SCN7A: variants seen among roughly 807,000 people sequenced by gnomAD.
The protein encoded by SCN7A is sodium voltage-gated channel alpha subunit 7, also known as sodium channel protein type 7 subunit alpha.
Under a neutral mutation model 155.2 loss-of-function variants are expected in SCN7A, and 138 were observed. That is an observed-to-expected ratio of 0.89 (90% CI 0.77 to 1.02). The LOEUF (loss-of-function observed/expected upper bound fraction) is 1.02. SCN7A is among the 50% of genes least tolerant of loss of function. The probability of loss-of-function intolerance (pLI) is 0.00; values close to 1 mark genes in which losing one functional copy is unlikely to be tolerated. For missense variants in SCN7A, 2,058 were observed against 1,986.6 expected (o/e 1.04, Z -0.68); for synonymous variants, 693 against 649.0 (o/e 1.07, Z -1.03).
intron 18 of SCN7A, among the ~76,000 whole-genome samples, chr2:166,424,080 AAAGC>A (rs1701569434): frequency 6.6e-6 from 1 of 152,114 alleles, no homozygotes; most frequent in African/African-American, 2.4e-5. Flanking sequence ...AAGAGGACAA[AAAGC>A]AAGCAAGGAT....
At chr2:166,461,052 T>C (rs894814165) in intron 10 of SCN7A, among the ~76,000 whole-genome samples, 6 of 66,346 alleles carry the variant, frequency 9.0e-5, no homozygotes, top group African/African-American at 1.5e-4. Flanking sequence ...TATTTTCTTT[T>C]TTTTTTTTTT....
chr2:166,476,709 C>A lies in SCN7A; in HGVS notation c.234+754G>T, dbSNP rs149021306. ...CCATGTTGATATCTCCATTATCTCA[C>A]CTCATATCTCGTAACTTGCAACAGC... On this transcript the variant is annotated intron_variant, in intron 3 of 25. Coordinates refer to ENST00000643258, the MANE Select transcript of SCN7A (RefSeq NM_002976.4). 2.2e-4 allele frequency among the ~76,000 whole-genome samples: 33 copies of A among 152,098 alleles called. No individual in the cohort carries two copies. The East Asian group carries it at 4.6e-3, about 21-fold the overall frequency.
intron 2 of SCN7A, among the ~76,000 whole-genome samples, chr2:166,480,440 A>T (rs1028245968): frequency 6.6e-6 from 1 of 150,602 alleles, no homozygotes; most frequent in African/African-American, 2.4e-5. Context: ...CCTGGGTGAA[A>T]GAGCGAGACT....
At chr2:166,413,830 C>G (rs554667424) in intron 21 of SCN7A, among the ~76,000 whole-genome samples, 1 of 149,928 alleles carries the variant, frequency 6.7e-6, no homozygotes, top group East Asian at 2.0e-4. Context: ...TTCCTGCCCT[C>G]AAACATTGGA....
chr2:166,462,876 C>A (rs1702446015), intron 9 of SCN7A, among the ~76,000 whole-genome samples: 1 of 151,992 alleles, frequency 6.6e-6, no homozygotes, highest in Non-Finnish European at 1.5e-5. Flanking sequence ...TGTGGAATGG[C>A]CAAATGGAGC....
intron 9 of SCN7A, among the ~76,000 whole-genome samples, chr2:166,464,217 T>TA (rs745556847): frequency 6.6e-5 from 10 of 151,618 alleles, no homozygotes; most frequent in Non-Finnish European, 1.3e-4. Context: ...TATACACACA[T>TA]ACATACATAT....
intron 2 of SCN7A, among the ~76,000 whole-genome samples, chr2:166,479,212 C>CTGTTGTGCATAAGTGAGTTGTTATGCACA (rs1702867054): frequency 6.6e-6 from 1 of 152,052 alleles, no homozygotes; most frequent in Admixed American, 6.6e-5. Context: ...CAGAATTTTT[C>CTGTTGTGCATAAGTGAGTTGTTATGCACA]ACTGTTGTGC....
rs1701004040 is a variant in SCN7A, at chr2:166,403,580, T to TA, written c.*1999dup. 1 of 152,012 alleles carries TA rather than the reference T, an allele frequency of 6.6e-6. No individual in the cohort carries two copies. Among genetic ancestry groups the TA allele is most frequent in the African/African-American group, 2.4e-5 (1 of 41,432 alleles). The allele number at this position is 152,012 out of a possible 1,614,324, so 9.4% of individuals were successfully genotyped here. A position where few individuals can be genotyped will look rare whatever the true frequency, so the allele number is the denominator to read the frequency against. On this transcript the variant is annotated 3_prime_UTR_variant, in exon 26 of 26. Transcript: ENST00000643258. ...AAAACAAACATAGCTTAATGTGGTTTACAGGTTATATTTATTATTTTCTAT... is the reference window on the plus strand; with the variant it reads ...AAAACAAACATAGCTTAATGTGGTTTAACAGGTTATATTTATTATTTTCTAT...
chr2:166,409,192 AAGAG>A (rs1701142987), intron 25 of SCN7A, among the ~76,000 whole-genome samples: 1 of 152,044 alleles, frequency 6.6e-6, no homozygotes, highest in African/African-American at 2.4e-5. Context: ...TTTATTAAAT[AAGAG>A]AGAGATCTCC....
At chr2:166,458,326 C>CAAAAAAAAAAAAAAAAA (rs71395231) in intron 10 of SCN7A, among the ~76,000 whole-genome samples, 1 of 97,958 alleles carries the variant, frequency 1.0e-5, no homozygotes. Context: ...GACCATGTAT[C>CAAAAAAAAAAAAAAAAA]AAAAAAAAAA....
intron 1 of SCN7A, among the ~76,000 whole-genome samples, chr2:166,493,114 G>C (rs1024190500): frequency 6.6e-6 from 1 of 152,122 alleles, no homozygotes; most frequent in East Asian, 1.9e-4. Flanking sequence ...GTTTATTACA[G>C]GGCCCACTTT....
rs971521641 is a variant in SCN7A, at chr2:166,409,671, T to C, written c.3976A>G (p.Ile1326Val). The C allele has an allele frequency of 4.6e-6, 7 of 1,508,584 alleles. No individual in the cohort carries two copies. The Admixed American group carries it at 1.4e-4, about 31-fold the overall frequency. 93.4% of individuals were successfully genotyped at this position (1,508,584 alleles called of 1,614,324 possible). ...IFDFMVVIFS[I>V]TGLCLPMTVG... ...TGACTAAACAAAATCTTACCTGTGATGGAGAAAATAACCACCATAAAATCA... is the reference window on the plus strand; with the variant it reads ...TGACTAAACAAAATCTTACCTGTGACGGAGAAAATAACCACCATAAAATCA... The change falls in exon 25 of 26, where the codon ATC becomes GTC. Residue 1326 changes from isoleucine (I) to valine (V), a missense_variant. By Grantham distance (29) the Ile-to-Val change is conservative. Transcript: ENST00000643258.
intron 9 of SCN7A, 74 bp from the exon 10 acceptor site, chr2:166,462,604 A>T (rs765862825): frequency 2.3e-5 from 33 of 1,419,806 alleles, no homozygotes; most frequent in Non-Finnish European, 3.1e-5. Context: ...TAAATATAGA[A>T]CATCAGTCCT....
At chr2:166,408,937 G>A (rs957129639) in intron 25 of SCN7A, among the ~76,000 whole-genome samples, 10 of 151,762 alleles carry the variant, frequency 6.6e-5, no homozygotes, top group South Asian at 2.1e-4. Context: ...TAGATTTCAC[G>A]TCTTCCATAA....
At chr2:166,477,360 C>T in intron 3 of SCN7A, 103 bp downstream of exon 3, 2 of 782,392 alleles carry the variant, frequency 2.6e-6, no homozygotes, top group Non-Finnish European at 3.9e-6. Flanking sequence ...AGATCTTTCC[C>T]TGTTTTTCAT....
Position 166,462,460 on chromosome 2 carries a change from T to A in SCN7A, c.1012A>T (p.Ser338Cys), listed in dbSNP as rs745366940. 8 of 1,613,414 alleles carry A rather than the reference T, an allele frequency of 5.0e-6. No individual in the cohort carries two copies. The highest frequency in any genetic ancestry group is 6.8e-6 in the Non-Finnish European group (8 of 1,179,720). ...NPDQGFTNFDSFGWALFALFR... is the reference protein window; with the variant it reads ...NPDQGFTNFDCFGWALFALFR... ...AGGGCAAATAAGGCCCAGCCAAAAC[T>A]GTCAAAATTTGTGAAGCCTTGATCA... is the stretch of plus-strand genomic sequence containing the variant. Residue 338 changes from serine (S) to cysteine (C), a missense_variant, in exon 10 of 26, where the codon AGT becomes TGT. By Grantham distance (112) the Ser-to-Cys change is moderately radical. Transcript: ENST00000643258.
intron 18 of SCN7A, among the ~76,000 whole-genome samples, chr2:166,425,080 C>T (rs914488304): frequency 5.3e-5 from 8 of 152,122 alleles, no homozygotes; most frequent in Non-Finnish European, 1.2e-4. Context: ...AATGCCAGCT[C>T]CCTTTTGTCA....
chr2:166,407,268 T>A (rs1228834818), intron 25 of SCN7A, among the ~76,000 whole-genome samples: 1 of 152,048 alleles, frequency 6.6e-6, no homozygotes, highest in Non-Finnish European at 1.5e-5. Flanking sequence ...TGTTTAGAAC[T>A]TTTTTGTAGC....
chr2:166,462,146 C>A, intron 10 of SCN7A: 1 of 351,548 alleles, frequency 2.8e-6, no homozygotes, highest in South Asian at 9.6e-5. Context: ...TTCTCTCTCT[C>A]CTCTCTTCTC....
Sources: gnomAD v4.1 joint callset for allele counts (sites outside exome capture counted in the v4.1 genomes callset) on GRCh38, gnomAD v4.1.1 for gene constraint, MANE v1.5 for transcripts, NCBI Gene and HGNC (gene_info 2026-07-23, HGNC 2026-07-21) for gene names.